Variants in NPTN observed in about 807,000 individuals in gnomAD.
NPTN encodes neuroplastin.
NPTN carries 5 observed loss-of-function variants against 42.7 expected under a neutral mutation model. That is an observed-to-expected ratio of 0.12 (90% CI 0.06 to 0.25). The LOEUF (loss-of-function observed/expected upper bound fraction) is 0.25, where lower values mean the gene tolerates loss of function less well. NPTN is among the 10% of genes least tolerant of loss of function. NPTN has a pLI of 1.00. For synonymous variants in NPTN, 180 were observed against 201.9 expected, an observed-to-expected ratio of 0.89 and a Z score of 0.92; for missense variants, 307 against 525.4, an observed-to-expected ratio of 0.58 and a Z score of 4.06.
chr15:73,590,252 AGTT>A (rs556268102), intron 3 of NPTN, among the ~76,000 whole-genome samples: 276 of 152,224 alleles, frequency 1.8e-3, no homozygotes, highest in African/African-American at 6.3e-3. Context: ...GGAACTCATC[AGTT>A]GTTATTTCAC....
At chr15:73,567,426 G>C (rs1472545466) in intron 6 of NPTN, 3 of 985,280 alleles carry the variant, frequency 3.0e-6, no homozygotes, top group Non-Finnish European at 3.6e-6. Context: ...TCCCAAGTTT[G>C]TGTCAAATAT....
At chr15:73,563,408 G>A (rs1264682075) in intron 6 of NPTN, 151 bp from the exon 7 acceptor site, 23 of 1,447,752 alleles carry the variant, frequency 1.6e-5, no homozygotes, top group South Asian at 4.4e-5. Context: ...TCCATCTGGA[G>A]GTGCAAAACA....
intron 6 of NPTN, among the ~76,000 whole-genome samples, chr15:73,565,578 GA>G (rs1405794230): frequency 2.0e-5 from 3 of 151,600 alleles, no homozygotes; most frequent in African/African-American, 7.3e-5. Context: ...ATTGAGGGGG[GA>G]AAAAAAAGAA....
Position 73,570,135 on chromosome 15 carries a change from T to TA in NPTN, c.1114+14dup. 1 of 1,588,172 alleles carries TA rather than the reference T, an allele frequency of 6.3e-7. No individual in the cohort carries two copies. Among genetic ancestry groups the TA allele is most frequent in the Non-Finnish European group, 8.6e-7 (1 of 1,164,436 alleles). On this transcript the variant is annotated intron_variant, in intron 6 of 8. Transcript: ENST00000345330. This position sits in a 1 kb window ranked among gnomAD's most constrained non-coding sequence, Gnocchi z 4.0. ...CAACCCCAGCAGTACAGCTATTTTG[T>TA]AGGGATGCTCTTACCGTCAGGAACC...
At chr15:73,610,113 TCTCG>T (rs1053394424) in intron 1 of NPTN, among the ~76,000 whole-genome samples, 5 of 151,838 alleles carry the variant, frequency 3.3e-5, no homozygotes, top group Non-Finnish European at 5.9e-5. Flanking sequence ...AGAGACAGGG[TCTCG>T]CTCTTGTCAC....
chr15:73,597,449 T>TAAAGA lies in NPTN; in HGVS notation c.92-85_92-81dup, dbSNP rs984122077. The TAAAGA allele has an allele frequency of 1.2e-5, 13 of 1,121,418 alleles. No homozygotes were observed. Among genetic ancestry groups the TAAAGA allele is most frequent in the Admixed American group, 5.6e-5 (2 of 35,668 alleles). The allele number at this position is 1,121,418 out of a possible 1,614,324, so 69.5% of individuals were successfully genotyped here. ...GAATCAACAGGTGTTAATAGTAATT[T>TAAAGA]AAAGAAAAGAAAAGAAAAAAGCAAA... On this transcript the variant is annotated intron_variant, in intron 1 of 8. Coordinates refer to ENST00000345330, the MANE Select transcript of NPTN (RefSeq NM_012428.4). The surrounding 1 kb of genome is among the most constrained non-coding windows in gnomAD (Gnocchi z 6.3).
In NPTN at chr15:73,573,643, G is replaced by A. The variant is rs530569656; in HGVS notation, c.840+19C>T. 8.4e-6 allele frequency: 13 copies of A among 1,543,376 alleles called. No individual in the cohort carries two copies. In the Admixed American group the frequency reaches 1.3e-4, roughly 15 times the overall value. The stretch of plus-strand genomic sequence containing the variant: ...GGAAAACTCCAGCAACCAGAGACCC[G>A]GGCCTGCCTCCTACTCACCATGGGC... On this transcript the variant is annotated intron_variant, in intron 5 of 8. Coordinates refer to ENST00000345330, the MANE Select transcript of NPTN (RefSeq NM_012428.4).
intron 1 of NPTN, among the ~76,000 whole-genome samples, chr15:73,617,227 C>A (rs1897906613): frequency 6.6e-6 from 1 of 152,184 alleles, no homozygotes; most frequent in African/African-American, 2.4e-5. Context: ...CAACAAACTA[C>A]TAACACTGCT....
chr15:73,578,756 G>A (rs184404445), intron 4 of NPTN, among the ~76,000 whole-genome samples: 1 of 152,272 alleles, frequency 6.6e-6, no homozygotes, highest in East Asian at 1.9e-4. Context: ...CACTTTGGGA[G>A]GCCGAGGTGG....
Position 73,570,573 on chromosome 15 carries a change from T to A in NPTN, c.841-150A>T, listed in dbSNP as rs1299431230. 1 of 717,002 alleles carries A rather than the reference T, an allele frequency of 1.4e-6. No homozygotes were observed. Among genetic ancestry groups the A allele is most frequent in the Admixed American group, 2.8e-5 (1 of 35,310 alleles). 44.4% of individuals were successfully genotyped at this position (717,002 alleles called of 1,614,324 possible). Reference sequence around the variant, plus strand: ...TTTCATTAATGATTTCCCTTCAGTATCAACAACAACAAATCAACTTCTGAC... The same window carrying A: ...TTTCATTAATGATTTCCCTTCAGTAACAACAACAACAAATCAACTTCTGAC... On this transcript the variant is annotated intron_variant, in intron 5 of 8. Coordinates refer to ENST00000345330, the MANE Select transcript of NPTN (RefSeq NM_012428.4). The surrounding 1 kb of genome is among the most constrained non-coding windows in gnomAD (Gnocchi z 4.0).
chr15:73,562,002 A>C (rs202210332), intron 7 of NPTN, 32 bp from the exon 8 acceptor site: 1 of 1,485,374 alleles, frequency 6.7e-7, no homozygotes, highest in African/African-American at 1.4e-5. Context: ...ACATGAGTTA[A>C]ACTCAGTCAA....
At chr15:73,562,284 C>G (rs1479117472) in intron 7 of NPTN, among the ~76,000 whole-genome samples, 1 of 152,128 alleles carries the variant, frequency 6.6e-6, no homozygotes, top group Admixed American at 6.5e-5. Context: ...TGAGCATTTC[C>G]TTTGAGCCTC....
rs192029195 is a variant in NPTN, at chr15:73,585,886, G to A, written c.706+1638C>T. Among the ~76,000 whole-genome samples, 32 of 152,284 alleles carry A rather than the reference G, an allele frequency of 2.1e-4. No individual in the cohort carries two copies. The East Asian group carries it at 6.2e-3, about 29-fold the overall frequency. On this transcript the variant is annotated intron_variant, in intron 4 of 8. Coordinates refer to ENST00000345330, the MANE Select transcript of NPTN (RefSeq NM_012428.4). Reference sequence around the variant, plus strand: ...GCTCTGAAAATACTCCTGGCCTACAGCGTCCTATTCTCTGACCCTGGCAAC... The same window carrying A: ...GCTCTGAAAATACTCCTGGCCTACAACGTCCTATTCTCTGACCCTGGCAAC...
intron 2 of NPTN, among the ~76,000 whole-genome samples, chr15:73,594,050 CAA>C (rs1419443266): frequency 6.6e-6 from 1 of 151,938 alleles, no homozygotes; most frequent in Non-Finnish European, 1.5e-5. Flanking sequence ...CAAGCAAAAA[CAA>C]AAGAGAAAAA....
chr15:73,562,620 C>T (rs1894745308), intron 7 of NPTN, among the ~76,000 whole-genome samples: 1 of 152,142 alleles, frequency 6.6e-6, no homozygotes, highest in African/African-American at 2.4e-5. Flanking sequence ...TTCTGCCGAT[C>T]TTAGATTGAT....
In NPTN at chr15:73,597,299, C is replaced by T. The variant is rs190952373; in HGVS notation, c.162G>A (p.Val54=). ...TGDAFELYCD[V]VGSPTPEIQW... is the part of the protein sequence containing the mutation. The stretch of plus-strand genomic sequence containing the variant: ...GGATCTCTGGCGTGGGGCTCCCGAC[C>T]ACGTCACAGTACAGCTCAAAGGCGT... The change falls in exon 2 of 9, where the codon GTG becomes GTA. Residue 54 remains valine, a synonymous_variant. Transcript: ENST00000345330. The surrounding 1 kb of genome is among the most constrained non-coding windows in gnomAD (Gnocchi z 6.3). The T allele has an allele frequency of 5.6e-6, 9 of 1,613,946 alleles. No homozygotes were observed. The Admixed American group carries it at 1.2e-4, about 21-fold the overall frequency.
At chr15:73,573,216 G>A (rs1895506584) in intron 5 of NPTN, among the ~76,000 whole-genome samples, 1 of 152,182 alleles carries the variant, frequency 6.6e-6, no homozygotes, top group Admixed American at 6.5e-5. Flanking sequence ...TTCAGTTACA[G>A]TAATCTGAAA....
chr15:73,573,847 T>C, intron 4 of NPTN, 52 bp from the exon 5 acceptor site: 1 of 1,592,810 alleles, frequency 6.3e-7, no homozygotes, highest in Non-Finnish European at 8.5e-7. Flanking sequence ...CCAAACAGGA[T>C]ACAAAGGCCC....
rs1330449025 is a variant in NPTN, at chr15:73,560,655, A to G, written c.*408T>C. 2 of 150,226 alleles carry G rather than the reference A, an allele frequency of 1.3e-5. No individual in the cohort carries two copies. Among genetic ancestry groups the G allele is most frequent in the Non-Finnish European group, 3.0e-5 (2 of 67,662 alleles). 9.3% of individuals were successfully genotyped at this position (150,226 alleles called of 1,614,324 possible). Reference sequence around the variant, plus strand: ...ATATATATATATTTATATACTGTATATATCTGTAGGTTTTGCTGTACTTTA... The same window carrying G: ...ATATATATATATTTATATACTGTATGTATCTGTAGGTTTTGCTGTACTTTA... On this transcript the variant is annotated 3_prime_UTR_variant, in exon 9 of 9. Coordinates refer to ENST00000345330, the MANE Select transcript of NPTN (RefSeq NM_012428.4).
Sources: allele counts gnomAD v4.1 joint callset (sites outside exome capture counted in the v4.1 genomes callset), GRCh38; gene constraint gnomAD v4.1.1; non-coding constraint Gnocchi (gnomAD v3.1); transcripts MANE v1.5; gene names NCBI Gene and HGNC (gene_info 2026-07-23, HGNC 2026-07-21).